Variants in ZMYND11 observed in about 807,000 individuals in gnomAD.
The protein encoded by ZMYND11 is zinc finger MYND domain-containing protein 11.
ZMYND11 carries 9 observed loss-of-function variants against 84.9 expected under a neutral mutation model. The ratio of observed to expected loss-of-function variants is 0.11; its 90% CI spans 0.06 to 0.18. The LOEUF is 0.18. Among genes scored for constraint, ZMYND11 ranks in the 10% least tolerant of loss-of-function variants. ZMYND11 has a pLI of 1.00. For synonymous variants in ZMYND11, 250 were observed against 244.1 expected, an observed-to-expected ratio of 1.02 and a Z score of -0.23; for missense variants, 409 against 761.0, an observed-to-expected ratio of 0.54 and a Z score of 5.44.
At chr10:250,770 C>T (rs1000534937) in intron 14 of ZMYND11, among the ~76,000 whole-genome samples, 1 of 152,176 alleles carries the variant, frequency 6.6e-6, no homozygotes, top group African/African-American at 2.4e-5. Flanking sequence ...AGGCTCGGTG[C>T]TCACACCTGT....
At chr10:181,688 G>T (rs909911681) in intron 2 of ZMYND11, among the ~76,000 whole-genome samples, 2 of 151,952 alleles carry the variant, frequency 1.3e-5, no homozygotes, top group African/African-American at 4.8e-5. Context: ...AAGGGGTGAG[G>T]ATATATGTGG....
chr10:169,678 A>G (rs1458512453), intron 1 of ZMYND11, among the ~76,000 whole-genome samples: 1 of 152,160 alleles, frequency 6.6e-6, no homozygotes, highest in African/African-American at 2.4e-5. Context: ...AGTAGACTGG[A>G]CGTGACTAAG....
In ZMYND11 at chr10:254,424, AATTG is replaced by A. The variant is rs1323279513; in HGVS notation, c.*1959_*1962del. 1 of 152,670 alleles carries A rather than the reference AATTG, an allele frequency of 6.6e-6. No individual in the cohort carries two copies. The highest frequency in any genetic ancestry group is 2.4e-5 in the African/African-American group (1 of 41,454). The allele number at this position is 152,670 out of a possible 1,614,324, so 9.5% of individuals were successfully genotyped here. On this transcript the variant is annotated 3_prime_UTR_variant, in exon 15 of 15. Coordinates refer to ENST00000381604, the MANE Select transcript of ZMYND11 (RefSeq NM_001370100.5). Reference sequence around the variant, plus strand: ...TTGTAAAAGTTTTAGGTAAAATTACAATTGATTGTTTTAGGAATCATTATTAAAA... The same window carrying A: ...TTGTAAAAGTTTTAGGTAAAATTACAATTGTTTTAGGAATCATTATTAAAA...
intron 1 of ZMYND11, among the ~76,000 whole-genome samples, chr10:156,968 CAA>C (rs1554759417): frequency 2.6e-5 from 4 of 152,052 alleles, no homozygotes; most frequent in African/African-American, 9.7e-5. Context: ...TAATGGCAGA[CAA>C]GAGGGTATTA....
Position 248,890 on chromosome 10 carries a change from CTT to C in ZMYND11, c.1501-10_1501-9del, listed in dbSNP as rs752803875. On this transcript the variant is annotated splice_polypyrimidine_tract_variant and intron_variant, in intron 13 of 14. Transcript: ENST00000381604. ...TGTGTGCTGACGCACTGTGGGTTGTCTTTTCATTCCAGCTGCGTTCTGAAATG... is the reference window on the plus strand; with the variant it reads ...TGTGTGCTGACGCACTGTGGGTTGTCTTCATTCCAGCTGCGTTCTGAAATG... 2 of 1,598,014 alleles carry C rather than the reference CTT, an allele frequency of 1.3e-6. No individual in the cohort carries two copies. Among genetic ancestry groups the C allele is most frequent in the Non-Finnish European group, 1.7e-6 (2 of 1,171,754 alleles).
chr10:248,871 C>G (rs1952759121), intron 13 of ZMYND11, 32 bp from the exon 14 acceptor site: 1 of 1,578,438 alleles, frequency 6.3e-7, no homozygotes, highest in African/African-American at 1.4e-5. Flanking sequence ...AAGTTGTGTG[C>G]TGACGCACTG....
intron 4 of ZMYND11, among the ~76,000 whole-genome samples, chr10:223,588 C>CT (rs1400682948): frequency 2.6e-5 from 4 of 152,024 alleles, no homozygotes; most frequent in Non-Finnish European, 5.9e-5. Context: ...CTCAAAAACC[C>CT]TGTTTTCTAG....
Position 171,608 on chromosome 10 carries a change from A to T in ZMYND11, c.-19-8386A>T, listed in dbSNP as rs1025418180. 1.1e-4 allele frequency among the ~76,000 whole-genome samples: 17 copies of T among 152,336 alleles called. No homozygotes were observed. In the East Asian group the frequency reaches 3.3e-3, roughly 29 times the overall value. On this transcript the variant is annotated intron_variant, in intron 1 of 14. Transcript: ENST00000381604. The stretch of plus-strand genomic sequence containing the variant: ...ACTTTTAAATATTTGCAACTAAATG[A>T]GAATAAAAATAGTTTATCAAAATCA...
At chr10:228,592 C>T (rs1450894264) in intron 4 of ZMYND11, among the ~76,000 whole-genome samples, 2 of 152,252 alleles carry the variant, frequency 1.3e-5, no homozygotes, top group Non-Finnish European at 2.9e-5. Flanking sequence ...ATGTCAGCCC[C>T]GTTAATCAAA....
intron 10 of ZMYND11, among the ~76,000 whole-genome samples, chr10:245,007 TTATTGAATTCCTACTACATA>T (rs1951831966): frequency 6.6e-6 from 1 of 152,224 alleles, no homozygotes. Flanking sequence ...CAAACCACTT[TTATTGAATTCCTACTACATA>T]ATAGGAAATC....
chr10:221,152 A>G (rs1947081746), intron 3 of ZMYND11, 43 bp from the exon 4 acceptor site: 5 of 1,579,846 alleles, frequency 3.2e-6, no homozygotes, highest in Non-Finnish European at 4.3e-6. Flanking sequence ...CATTGCAGAT[A>G]TTGACAAAAT....
At chr10:244,556 T>C (rs923893071) in intron 10 of ZMYND11, 4 of 152,296 alleles carry the variant, frequency 2.6e-5, no homozygotes, top group African/African-American at 9.6e-5. Context: ...ATCTTTCTGC[T>C]GCGAGAGTGG....
chr10:167,495 G>C (rs1398917897), intron 1 of ZMYND11, among the ~76,000 whole-genome samples: 1 of 152,052 alleles, frequency 6.6e-6, no homozygotes, highest in African/African-American at 2.4e-5. Context: ...TTTTTAAAAG[G>C]TGAATAGAGA....
chr10:147,427 G>A (rs1172724282), intron 1 of ZMYND11, among the ~76,000 whole-genome samples: 15 of 151,742 alleles, frequency 9.9e-5, no homozygotes, highest in African/African-American at 3.4e-4. Flanking sequence ...TCCTCCTATT[G>A]AGCTCTACTT....
intron 1 of ZMYND11, among the ~76,000 whole-genome samples, chr10:146,140 C>G (rs1838771315): frequency 1.3e-5 from 2 of 152,100 alleles, no homozygotes; most frequent in Admixed American, 6.5e-5. Flanking sequence ...ATAATGTGTC[C>G]TTTCCCCAAT....
intron 1 of ZMYND11, among the ~76,000 whole-genome samples, chr10:172,453 T>A (rs890410387): frequency 6.6e-6 from 1 of 152,156 alleles, no homozygotes; most frequent in Non-Finnish European, 1.5e-5. Flanking sequence ...TTCCTATTTA[T>A]CAGCAATGAA....
chr10:235,306 C>T (rs904348750), intron 4 of ZMYND11, among the ~76,000 whole-genome samples: 2 of 152,140 alleles, frequency 1.3e-5, no homozygotes, highest in African/African-American at 2.4e-5. Flanking sequence ...GTGAGTTCTT[C>T]ATATCCTCCT....
intron 1 of ZMYND11, among the ~76,000 whole-genome samples, chr10:144,017 A>AC (rs1554754617): frequency 1.1e-4 from 17 of 151,924 alleles, no homozygotes; most frequent in Admixed American, 5.2e-4. Context: ...TAAAAAAAAA[A>AC]AAAACTGCCA....
chr10:205,280 T>C (rs1417831468), intron 2 of ZMYND11, among the ~76,000 whole-genome samples: 1 of 152,232 alleles, frequency 6.6e-6, no homozygotes, highest in African/African-American at 2.4e-5. Context: ...TTGCTTCTAT[T>C]TTAATTTCCT....
Sources: gnomAD v4.1 joint callset for allele counts (sites outside exome capture counted in the v4.1 genomes callset) on GRCh38, gnomAD v4.1.1 for gene constraint, MANE v1.5 for transcripts, NCBI Gene and HGNC (gene_info 2026-07-23, HGNC 2026-07-21) for gene names.